RTN4: variants seen among roughly 807,000 people sequenced by gnomAD.
The protein encoded by RTN4 is reticulon-4.
Under a neutral mutation model 90.4 loss-of-function variants are expected in RTN4, and 32 were observed. The ratio of observed to expected loss-of-function variants is 0.35; its 90% CI spans 0.27 to 0.48. The LOEUF is 0.48. Ranked by LOEUF, RTN4 falls within the 20% of genes least tolerant of loss-of-function variation. The pLI is 0.99. For missense variants in RTN4, 1,706 were observed against 1,430.2 expected, an observed-to-expected ratio of 1.19 and a Z score of -3.11; for synonymous variants, 629 against 552.5, an observed-to-expected ratio of 1.14 and a Z score of -1.94.
chr2:55,122,327 G>A, the RTN4 span, among the ~76,000 whole-genome samples: 11 of 151,962 alleles, frequency 7.2e-5, no homozygotes, highest in East Asian at 1.9e-4. Context: ...CAGGTTCCCC[G>A]ACTTAGAGTG....
At chr2:55,034,960 T>C (rs1373547908) in intron 1 of RTN4, among the ~76,000 whole-genome samples, 1 of 152,134 alleles carries the variant, frequency 6.6e-6, no homozygotes, top group East Asian at 1.9e-4. Flanking sequence ...CATTCTGTAA[T>C]CCCTAGAACA....
intron 4 of RTN4, among the ~76,000 whole-genome samples, chr2:54,986,858 TAA>T (rs1436938173): frequency 1.3e-5 from 2 of 151,916 alleles, no homozygotes; most frequent in Non-Finnish European, 2.9e-5. Context: ...ATATGTCAAT[TAA>T]AAAAGAGGGG....
the RTN4 span, among the ~76,000 whole-genome samples, chr2:55,136,867 A>G: frequency 6.6e-6 from 1 of 152,196 alleles, no homozygotes. Context: ...GAATTCAGCA[A>G]ATCAATACCC....
At chr2:55,035,408 TA>T (rs1344934455) in intron 1 of RTN4, among the ~76,000 whole-genome samples, 11 of 149,830 alleles carry the variant, frequency 7.3e-5, no homozygotes, top group African/African-American at 2.8e-4. Context: ...TCAAAGAAAA[TA>T]GGGGGAAAAT....
At position 55,007,165 on chromosome 2, in the gene RTN4, C is replaced by T. The variant is rs1680287828; in HGVS notation, c.3013+17921G>A. ...CTTCATGTTGCCCCTTGAGTCTTTA[C>T]ACCTCATCCTTGTCCTGCAAATCTA... On this transcript the variant is annotated intron_variant, in intron 3 of 8. Transcript: ENST00000337526. 1.3e-5 allele frequency among the ~76,000 whole-genome samples: 2 copies of T among 152,142 alleles called. 1 individual carries two copies. Among genetic ancestry groups the T allele is most frequent in the African/African-American group, 4.8e-5 (2 of 41,442 alleles).
chr2:55,111,639 A>C (rs1168364769), intron 1 of RTN4, among the ~76,000 whole-genome samples: 1 of 151,978 alleles, frequency 6.6e-6, no homozygotes, highest in Non-Finnish European at 1.5e-5. Flanking sequence ...CCCACTCAGG[A>C]GGGTGTTTGG....
At chr2:55,024,445 A>ATGCT (rs1429689232) in intron 3 of RTN4, among the ~76,000 whole-genome samples, 1 of 152,202 alleles carries the variant, frequency 6.6e-6, no homozygotes, top group East Asian at 1.9e-4. Context: ...CTAAATCAGA[A>ATGCT]TGCTAATAAA....
At chr2:55,108,614 A>G (rs1400602364) in intron 1 of RTN4, among the ~76,000 whole-genome samples, 4 of 152,202 alleles carry the variant, frequency 2.6e-5, no homozygotes, top group Middle Eastern at 3.4e-3. Context: ...AAAGCAGATT[A>G]CACTGGATTT....
At chr2:55,052,179 C>T (rs372474608), upstream of RTN4, among the ~76,000 whole-genome samples, 1 of 152,160 alleles carries the variant, frequency 6.6e-6, no homozygotes, top group African/African-American at 2.4e-5. Flanking sequence ...GACTATACAA[C>T]AGAAAGAGTG....
chr2:55,061,311 A>G (rs1211191831), intron 2 of RTN4, among the ~76,000 whole-genome samples: 3 of 152,126 alleles, frequency 2.0e-5, no homozygotes, highest in African/African-American at 7.2e-5. Context: ...TGATCCACCC[A>G]CCATGGCCTC....
chr2:55,008,779 G>A (rs1487361057), intron 3 of RTN4, among the ~76,000 whole-genome samples: 6 of 152,086 alleles, frequency 3.9e-5, no homozygotes, highest in African/African-American at 1.4e-4. Context: ...CTTAATAGTT[G>A]CAGAATGAGC....
chr2:55,055,459 T>C (rs1018830327), upstream of RTN4, among the ~76,000 whole-genome samples: 5 of 152,124 alleles, frequency 3.3e-5, no homozygotes, highest in Non-Finnish European at 5.9e-5. Context: ...ACATTGTTCA[T>C]TGATTCAACT....
At chr2:55,057,576 C>T (rs1668211271) in intron 2 of RTN4, among the ~76,000 whole-genome samples, 1 of 152,146 alleles carries the variant, frequency 6.6e-6, no homozygotes, top group Non-Finnish European at 1.5e-5. Context: ...TTGAAAGTCA[C>T]AAAAGCAATT....
chr2:55,117,327 A>G (rs1367625362), upstream of RTN4, among the ~76,000 whole-genome samples: 2 of 152,222 alleles, frequency 1.3e-5, no homozygotes, highest in Admixed American at 1.3e-4. Flanking sequence ...CTGAAAGCTC[A>G]TGCCTTCGAG....
the RTN4 span, among the ~76,000 whole-genome samples, chr2:55,132,429 A>C: frequency 1.3e-5 from 2 of 151,932 alleles, no homozygotes; most frequent in South Asian, 2.1e-4. Flanking sequence ...CTTGAACTTA[A>C]GAGGCAGAGG....
rs532674334 is a variant in RTN4 at position 54,979,312 on chromosome 2, C to A, written c.3360+3203G>T. Among the ~76,000 whole-genome samples, 8 of 152,214 alleles carry A rather than the reference C, an allele frequency of 5.3e-5. No homozygotes were observed. The South Asian group carries it at 8.3e-4, about 16-fold the overall frequency. Reference sequence around the variant, plus strand: ...GCCTCAAGCAATCCTTCCGCCTTGGCCTCCCAAAGTGCTGGGATTACAGGC... The same window carrying A: ...GCCTCAAGCAATCCTTCCGCCTTGGACTCCCAAAGTGCTGGGATTACAGGC... On this transcript the variant is annotated intron_variant, in intron 5 of 8. Coordinates refer to ENST00000337526, the MANE Select transcript of RTN4 (RefSeq NM_020532.5).
intron 4 of RTN4, 64 bp downstream of exon 4, chr2:54,987,426 GA>G: frequency 8.7e-7 from 1 of 1,149,330 alleles, no homozygotes; most frequent in Non-Finnish European, 1.3e-6. Context: ...GACAGTAGAT[GA>G]AGTCTTAATA....
chr2:55,009,516 A>G (rs1184707157), intron 3 of RTN4, among the ~76,000 whole-genome samples: 2 of 152,222 alleles, frequency 1.3e-5, no homozygotes, highest in Admixed American at 6.5e-5. Flanking sequence ...AGTGACTTAA[A>G]TATAGACATG....
chr2:55,079,584 C>T (rs973830878), intron 2 of RTN4, among the ~76,000 whole-genome samples: 17 of 152,196 alleles, frequency 1.1e-4, no homozygotes, highest in Non-Finnish European at 2.4e-4. Flanking sequence ...TGAAAATCTT[C>T]ACTTTTTAAT....
Sources: allele counts gnomAD v4.1 joint callset (sites outside exome capture counted in the v4.1 genomes callset), GRCh38; gene constraint gnomAD v4.1.1; transcripts MANE v1.5; gene names NCBI Gene and HGNC (gene_info 2026-07-23, HGNC 2026-07-21).